FBLN7: variants seen among roughly 807,000 people sequenced by gnomAD.
The protein encoded by FBLN7 is fibulin 7.
In FBLN7, 31 loss-of-function variants were observed where a neutral mutation model predicts 44.0. The observed-to-expected ratio is 0.70, with a 90% CI of 0.53 to 0.95. The LOEUF (loss-of-function observed/expected upper bound fraction) is 0.95. Among genes scored for constraint, FBLN7 ranks in the 40% least tolerant of loss-of-function variants. The pLI is 0.00. For synonymous variants in FBLN7, 262 were observed against 253.4 expected, an observed-to-expected ratio of 1.03 and a Z score of -0.32; for missense variants, 573 against 618.5, an observed-to-expected ratio of 0.93 and a Z score of 0.78.
intron 3 of FBLN7, among the ~76,000 whole-genome samples, chr2:112,172,643 T>C (rs1682528937): frequency 7.1e-6 from 1 of 140,952 alleles, no homozygotes; most frequent in Non-Finnish European, 1.5e-5. Context: ...TTTTTTTTTT[T>C]TTTTTTTTGA....
the FBLN7 span, among the ~76,000 whole-genome samples, chr2:112,207,616 T>C: frequency 6.6e-6 from 1 of 152,208 alleles, no homozygotes; most frequent in Non-Finnish European, 1.5e-5. Flanking sequence ...AAAGGAGTGT[T>C]GAAGTTACCA....
At chr2:112,180,951 GAAAAA>G (rs1031387560) in intron 4 of FBLN7, among the ~76,000 whole-genome samples, 1 of 132,764 alleles carries the variant, frequency 7.5e-6, no homozygotes, top group Non-Finnish European at 1.6e-5. Context: ...AAAAACGAAA[GAAAAA>G]AAAGAAAAGA....
chr2:112,197,936 G>C, the FBLN7 span, among the ~76,000 whole-genome samples: 5 of 152,100 alleles, frequency 3.3e-5, no homozygotes, highest in African/African-American at 1.2e-4. Context: ...CACTTCAGCA[G>C]TAAAAAGATG....
intron 5 of FBLN7, among the ~76,000 whole-genome samples, chr2:112,182,540 A>T (rs939986818): frequency 6.6e-6 from 1 of 151,774 alleles, no homozygotes; most frequent in Non-Finnish European, 1.5e-5. Flanking sequence ...ATGCCTTTCT[A>T]GGGCCTAGCA....
the FBLN7 span, among the ~76,000 whole-genome samples, chr2:112,240,988 CGT>C: frequency 8.3e-4 from 111 of 134,392 alleles, 1 homozygote; most frequent in African/African-American, 3.1e-3. Context: ...TGTGTGTGCG[CGT>C]GTGTATGTGT....
In FBLN7 at chr2:112,163,824, C is replaced by G. The variant is rs543674293; in HGVS notation, c.236-1177C>G. ...ACTCTGAGCTGTCTTGATCCTGTTG[C>G]CTGACTCATGTCTAACTACTTTCCA... is the stretch of plus-strand genomic sequence containing the variant. On this transcript the variant is annotated intron_variant, in intron 2 of 7. Coordinates refer to ENST00000331203, the MANE Select transcript of FBLN7 (RefSeq NM_153214.3). Among the ~76,000 whole-genome samples, 4 of 152,308 alleles carry G rather than the reference C, an allele frequency of 2.6e-5. No individual in the cohort carries two copies. In the South Asian group the frequency reaches 6.2e-4, roughly 24 times the overall value.
the FBLN7 span, among the ~76,000 whole-genome samples, chr2:112,228,466 C>T: frequency 6.7e-6 from 1 of 150,352 alleles, no homozygotes; most frequent in Non-Finnish European, 1.5e-5. Flanking sequence ...TGCACCACTG[C>T]ACTCCAGTCT....
At chr2:112,220,708 CT>C in the FBLN7 span, among the ~76,000 whole-genome samples, 3 of 152,208 alleles carry the variant, frequency 2.0e-5, no homozygotes, top group Non-Finnish European at 4.4e-5. Context: ...GTAATCCCAG[CT>C]ACTCAGAATG....
chr2:112,187,430 C>T lies in FBLN7; in HGVS notation c.1244C>T (p.Ser415Leu), dbSNP rs757716376. The T allele has an allele frequency of 2.0e-5, 32 of 1,614,070 alleles. No individual in the cohort carries two copies. The highest frequency in any genetic ancestry group is 6.7e-5 in the Admixed American group (4 of 60,012). The change falls in exon 8 of 8, where the codon TCG becomes TTG. Residue 415 changes from serine (S) to leucine (L), a missense_variant. Ser to Leu is a moderately radical substitution (Grantham distance 145). Transcript: ENST00000331203. This position sits in a 1 kb window ranked among gnomAD's most constrained non-coding sequence, Gnocchi z 5.1. ...ACGCTGGAGGTGGACGTCGACATGT[C>T]GGAATACCTGGACCGCTCCTTCCAG... Reference protein sequence around the residue: ...PQTLEVDVDMSEYLDRSFQAN... With the variant: ...PQTLEVDVDMLEYLDRSFQAN...
At chr2:112,154,811 G>A (rs1681333961) in intron 1 of FBLN7, among the ~76,000 whole-genome samples, 1 of 152,208 alleles carries the variant, frequency 6.6e-6, no homozygotes, top group South Asian at 2.1e-4. Flanking sequence ...AACTGTGGCT[G>A]TGGGCAAGGA....
chr2:112,233,655 C>A, the FBLN7 span, among the ~76,000 whole-genome samples: 1 of 152,128 alleles, frequency 6.6e-6, no homozygotes, highest in Non-Finnish European at 1.5e-5. Context: ...ATCATGAGGT[C>A]AGGAGATCGA....
chr2:112,158,064 AT>A (rs1471926550), intron 1 of FBLN7, among the ~76,000 whole-genome samples: 1 of 151,266 alleles, frequency 6.6e-6, no homozygotes, highest in Non-Finnish European at 1.5e-5. Flanking sequence ...CACCCGGATA[AT>A]TTTTTGTATT....
chr2:112,166,920 A>G (rs1682190837), intron 3 of FBLN7, among the ~76,000 whole-genome samples: 1 of 152,128 alleles, frequency 6.6e-6, no homozygotes, highest in Admixed American at 6.5e-5. Context: ...ACCTGATTGC[A>G]GTCAACTCCC....
At chr2:112,162,859 C>T (rs541248484) in intron 2 of FBLN7, among the ~76,000 whole-genome samples, 32 of 152,168 alleles carry the variant, frequency 2.1e-4, no homozygotes, top group African/African-American at 7.7e-4. Flanking sequence ...CCCAAAGAGA[C>T]CCTACTATTT....
the FBLN7 span, among the ~76,000 whole-genome samples, chr2:112,239,313 A>T: frequency 3.6e-4 from 55 of 152,348 alleles, 1 homozygote; most frequent in African/African-American, 1.3e-3. Context: ...GTATCATTAT[A>T]ATTAGTATGT....
the FBLN7 span, chr2:112,234,265 T>C: frequency 6.9e-7 from 1 of 1,449,454 alleles, no homozygotes; most frequent in South Asian, 1.3e-5. Flanking sequence ...AAAAACTAAA[T>C]GTAAGAAACA....
chr2:112,214,406 T>C, the FBLN7 span: 1 of 152,184 alleles, frequency 6.6e-6, no homozygotes, highest in Non-Finnish European at 1.5e-5. Flanking sequence ...CAAATAAATC[T>C]GTGCAGATTT....
At chr2:112,203,879 G>A in the FBLN7 span, among the ~76,000 whole-genome samples, 1 of 152,102 alleles carries the variant, frequency 6.6e-6, no homozygotes, top group African/African-American at 2.4e-5. Flanking sequence ...ACTACCACGA[G>A]AACAGTATGG....
chr2:112,188,616 A>T (rs1683381018), downstream of FBLN7: 1 of 152,218 alleles, frequency 6.6e-6, no homozygotes, highest in African/African-American at 2.4e-5. Flanking sequence ...AGAAAGTTTC[A>T]TTATCTAATT....
Sources: gnomAD v4.1 joint callset for allele counts (sites outside exome capture counted in the v4.1 genomes callset) on GRCh38, gnomAD v4.1.1 for gene constraint, Gnocchi (gnomAD v3.1) non-coding constraint, MANE v1.5 for transcripts, NCBI Gene and HGNC (gene_info 2026-07-23, HGNC 2026-07-21) for gene names.